The following CDH12 variants were observed in gnomAD, a reference collection of about 807,000 sequenced individuals.
The protein encoded by CDH12 is cadherin 12, also known as cadherin-12.
CDH12 carries 41 observed loss-of-function variants against 74.1 expected under a neutral mutation model. The observed-to-expected ratio is 0.55, with a 90% confidence interval of 0.43 to 0.72. CDH12 has a LOEUF of 0.72. CDH12 is among the 30% of genes least tolerant of loss of function. The probability of loss-of-function intolerance (pLI) is 0.00; values close to 1 mark genes in which losing one functional copy is unlikely to be tolerated. For synonymous variants in CDH12, 399 were observed against 355.0 expected (o/e 1.12, Z -1.39); for missense variants, 945 against 977.2 (o/e 0.97, Z 0.44).
At chr5:22,383,795 T>A (rs1741875304) in intron 3 of CDH12, among the ~76,000 whole-genome samples, 1 of 152,178 alleles carries the variant, frequency 6.6e-6, no homozygotes, top group African/African-American at 2.4e-5. Context: ...ATGCTAATTA[T>A]AACCATAGCA....
At chr5:22,168,533 CAGAT>C (rs1748825924) in intron 4 of CDH12, among the ~76,000 whole-genome samples, 1 of 151,964 alleles carries the variant, frequency 6.6e-6, no homozygotes, top group South Asian at 2.1e-4. Context: ...CTAACAAAGA[CAGAT>C]GGATACACAT....
intron 1 of CDH12, among the ~76,000 whole-genome samples, chr5:22,794,262 C>T (rs1225135653): frequency 6.6e-6 from 1 of 152,172 alleles, no homozygotes; most frequent in Admixed American, 6.5e-5. Flanking sequence ...ATCAATTGGA[C>T]AAACAGACAA....
chr5:22,466,120 T>C (rs900228197), intron 2 of CDH12, among the ~76,000 whole-genome samples: 2 of 152,308 alleles, frequency 1.3e-5, no homozygotes, highest in Non-Finnish European at 2.9e-5. Context: ...AACCTGCTGA[T>C]CTTTTTCTTG....
At chr5:21,798,355 A>C (rs1371396198) in intron 10 of CDH12, among the ~76,000 whole-genome samples, 5 of 152,084 alleles carry the variant, frequency 3.3e-5, no homozygotes, top group Non-Finnish European at 7.4e-5. Flanking sequence ...GTAATATGGA[A>C]ATGTAAAATA....
At chr5:22,344,670 C>A (rs1032647423) in intron 3 of CDH12, among the ~76,000 whole-genome samples, 1 of 152,016 alleles carries the variant, frequency 6.6e-6, no homozygotes, top group Admixed American at 6.6e-5. Flanking sequence ...AGACTAAATT[C>A]TCTGACTCTA....
chr5:22,334,190 C>G (rs1739466427), intron 3 of CDH12, among the ~76,000 whole-genome samples: 1 of 151,928 alleles, frequency 6.6e-6, no homozygotes, highest in Non-Finnish European at 1.5e-5. Context: ...GTCAAATTAT[C>G]TGTGTTTTAA....
At chr5:22,460,357 C>G (rs1745448800) in intron 2 of CDH12, among the ~76,000 whole-genome samples, 1 of 152,060 alleles carries the variant, frequency 6.6e-6, no homozygotes, top group South Asian at 2.1e-4. Context: ...TCTTTCATGC[C>G]TTGGCAACCA....
intron 3 of CDH12, among the ~76,000 whole-genome samples, chr5:22,337,887 T>G (rs1739662114): frequency 6.6e-6 from 1 of 152,194 alleles, no homozygotes. Context: ...TTATCCCACT[T>G]AAAATGGCTT....
intron 5 of CDH12, among the ~76,000 whole-genome samples, chr5:22,009,875 G>A (rs1223783381): frequency 9.5e-5 from 14 of 147,638 alleles, no homozygotes; most frequent in African/African-American, 3.1e-4. Context: ...CCATTTGGGA[G>A]GCTGAGGCAG....
At chr5:22,359,952 G>A (rs1740727054) in intron 3 of CDH12, among the ~76,000 whole-genome samples, 1 of 152,042 alleles carries the variant, frequency 6.6e-6, no homozygotes, top group South Asian at 2.1e-4. Context: ...GAAATTTATA[G>A]CACTAAATGC....
chr5:22,607,574 A>C (rs573010938), intron 1 of CDH12, among the ~76,000 whole-genome samples: 1 of 152,326 alleles, frequency 6.6e-6, no homozygotes, highest in African/African-American at 2.4e-5. Context: ...CCATGATTCA[A>C]TTACCTCCCC....
intron 3 of CDH12, among the ~76,000 whole-genome samples, chr5:22,219,553 A>C (rs4385175): frequency 0.33 from 50,508 of 151,526 alleles, 9,970 homozygotes; most frequent in Admixed American, 0.46. Flanking sequence ...TTATTAAAAT[A>C]ATTTAAACTC....
intron 6 of CDH12, among the ~76,000 whole-genome samples, chr5:21,916,509 CA>C (rs33996615): frequency 0.73 from 110,201 of 150,010 alleles, 43,022 homozygotes; most frequent in East Asian, 0.93. Context: ...TCATTTTTTC[CA>C]TTTTTTTTTT....
chr5:22,755,240 T>C (rs540527230), intron 1 of CDH12, among the ~76,000 whole-genome samples: 6 of 152,330 alleles, frequency 3.9e-5, no homozygotes, highest in Admixed American at 2.0e-4. Context: ...TATCACTTTT[T>C]CATAAAGATA....
Position 22,341,757 on chromosome 5 carries a change from G to A in CDH12, c.-333+63500C>T, listed in dbSNP as rs182194084. Among the ~76,000 whole-genome samples the A allele has an allele frequency of 4.3e-4, 65 of 152,060 alleles. 1 individual carries two copies. Among genetic ancestry groups the A allele is most frequent in the Non-Finnish European group, 8.2e-4 (56 of 68,012 alleles). ...TTGTATAAGATCATTTCACTGTTAG[G>A]CAACCGTTAGGCAATCATACATCTC... On this transcript the variant is annotated intron_variant, in intron 3 of 14. Transcript: ENST00000382254.
At chr5:22,765,086 ATAAC>A (rs1380800468) in intron 1 of CDH12, among the ~76,000 whole-genome samples, 1 of 151,976 alleles carries the variant, frequency 6.6e-6, no homozygotes, top group African/African-American at 2.4e-5. Flanking sequence ...GAATGAAAGA[ATAAC>A]TAATTTATTA....
In CDH12 at chr5:22,133,144, C is replaced by T. The variant is rs182914791; in HGVS notation, c.-186-54282G>A. 2.1e-3 allele frequency among the ~76,000 whole-genome samples: 312 copies of T among 152,126 alleles called. 3 individuals carry two copies. Among genetic ancestry groups the T allele is most frequent in the African/African-American group, 6.9e-3 (288 of 41,512 alleles). On this transcript the variant is annotated intron_variant, in intron 4 of 14. Coordinates refer to ENST00000382254, the MANE Select transcript of CDH12 (RefSeq NM_004061.5). Reference sequence around the variant, plus strand: ...TGTTTTTCAGATTCATTGAAACATTCTCAATTTTTCTTCTATAAGAAATGA... The same window carrying T: ...TGTTTTTCAGATTCATTGAAACATTTTCAATTTTTCTTCTATAAGAAATGA...
At chr5:22,120,581 T>G (rs560061632) in intron 4 of CDH12, among the ~76,000 whole-genome samples, 1 of 152,292 alleles carries the variant, frequency 6.6e-6, no homozygotes, top group African/African-American at 2.4e-5. Context: ...ATTTAACTTG[T>G]TCTTTAATAT....
At chr5:22,675,869 TC>T (rs1741147376) in intron 1 of CDH12, among the ~76,000 whole-genome samples, 1 of 27,672 alleles carries the variant, frequency 3.6e-5, no homozygotes, top group Non-Finnish European at 6.4e-5. Context: ...CTTTTGTATC[TC>T]ATATATATAT....
Sources: gnomAD v4.1 joint callset for allele counts (sites outside exome capture counted in the v4.1 genomes callset) on GRCh38, gnomAD v4.1.1 for gene constraint, MANE v1.5 for transcripts, NCBI Gene and HGNC (gene_info 2026-07-23, HGNC 2026-07-21) for gene names.